EEA1: variants seen among roughly 807,000 people sequenced by gnomAD.
The protein encoded by EEA1 is early endosome antigen 1, 162kD.
In EEA1, 111 loss-of-function variants were observed where a neutral mutation model predicts 209.2. The ratio of observed to expected loss-of-function variants is 0.53; its 90% CI spans 0.45 to 0.62. EEA1 has a LOEUF of 0.62. Among genes scored for constraint, EEA1 ranks in the 20% least tolerant of loss-of-function variants. The probability of loss-of-function intolerance (pLI) is 0.00; values close to 1 mark genes in which losing one functional copy is unlikely to be tolerated. For synonymous variants in EEA1, 536 were observed against 540.6 expected (o/e 0.99, Z 0.12); for missense variants, 1,343 against 1,530.8 (o/e 0.88, Z 2.05).
rs530716877 is a variant in EEA1 at position 92,836,877 on chromosome 12, C to T, written c.916-4027G>A. ...GTGGCTCACATCTGTAATCCCAGCA[C>T]TTTGGGAGGCCGAGGCGGGCAGATC... On this transcript the variant is annotated intron_variant, in intron 10 of 28. Coordinates refer to ENST00000322349, the MANE Select transcript of EEA1 (RefSeq NM_003566.4). Among the ~76,000 whole-genome samples the T allele has an allele frequency of 4.0e-4, 61 of 152,208 alleles. 1 individual carries two copies. The East Asian group carries it at 0.011, about 28-fold the overall frequency.
chr12:92,886,381 G>T (rs1442861504), intron 2 of EEA1, among the ~76,000 whole-genome samples: 1 of 115,758 alleles, frequency 8.6e-6, no homozygotes, highest in Non-Finnish European at 1.8e-5. Context: ...AAAAGAAGAG[G>T]CGAGGAGAGG....
intron 23 of EEA1, 60 bp downstream of exon 23, chr12:92,781,890 A>G: frequency 6.8e-7 from 1 of 1,475,242 alleles, no homozygotes; most frequent in Non-Finnish European, 9.2e-7. Flanking sequence ...GTTTGACTGG[A>G]TGATCTCTAA....
At chr12:92,861,986 A>C (rs1404011657) in intron 3 of EEA1, among the ~76,000 whole-genome samples, 1 of 152,218 alleles carries the variant, frequency 6.6e-6, no homozygotes, top group Non-Finnish European at 1.5e-5. Context: ...CTAATGCATC[A>C]AGCTTCAAAT....
At chr12:92,892,638 G>A (rs1365408567) in intron 1 of EEA1, among the ~76,000 whole-genome samples, 2 of 151,476 alleles carry the variant, frequency 1.3e-5, no homozygotes, top group African/African-American at 4.9e-5. Context: ...ATAGTGGCAC[G>A]ATCTTGGCTC....
In EEA1 at chr12:92,865,407, A is replaced by AG. The variant is rs568730138; in HGVS notation, c.118-421dup. Among the ~76,000 whole-genome samples, 849 of 151,646 alleles carry AG rather than the reference A, an allele frequency of 5.6e-3. 10 individuals carry two copies. Among genetic ancestry groups the AG allele is most frequent in the African/African-American group, 0.019 (803 of 41,420 alleles). ...AAAAAAAAAAGAAGATGAACCACTG[A>AG]GGGGGAAAAAAAGTAATTCATAATC... On this transcript the variant is annotated intron_variant, in intron 2 of 28. Coordinates refer to ENST00000322349, the MANE Select transcript of EEA1 (RefSeq NM_003566.4).
intron 2 of EEA1, among the ~76,000 whole-genome samples, chr12:92,887,747 A>C (rs1879475323): frequency 6.6e-6 from 1 of 152,228 alleles, no homozygotes; most frequent in Non-Finnish European, 1.5e-5. Context: ...TTGACTTAAA[A>C]TTTTTGACTT....
At position 92,815,055 on chromosome 12, in the gene EEA1, AC is replaced by A. The variant is rs1875714043; in HGVS notation, c.1929+1144del. Among the ~76,000 whole-genome samples, 4 of 152,350 alleles carry A rather than the reference AC, an allele frequency of 2.6e-5. No individual in the cohort carries two copies. The South Asian group carries it at 8.3e-4, about 32-fold the overall frequency. On this transcript the variant is annotated intron_variant, in intron 15 of 28. Transcript: ENST00000322349. ...ATTCTCAAAAGAAAAGTAAGGCCAT[AC>A]ATCCTACTTTATGAACTAACACTAG...
At position 92,885,306 on chromosome 12, in the gene EEA1, G is replaced by A. The variant is rs1403176809; in HGVS notation, c.117+6323C>T. Among the ~76,000 whole-genome samples, 10 of 152,114 alleles carry A rather than the reference G, an allele frequency of 6.6e-5. No individual in the cohort carries two copies. The South Asian group carries it at 2.1e-3, about 32-fold the overall frequency. On this transcript the variant is annotated intron_variant, in intron 2 of 28. Transcript: ENST00000322349. ...CTTTCACCCTGAATATTTCTTTAAT[G>A]TCCTGGAGACCATGATATTTCCAAT...
At chr12:92,879,595 G>A (rs1194415568) in intron 2 of EEA1, among the ~76,000 whole-genome samples, 1 of 151,944 alleles carries the variant, frequency 6.6e-6, no homozygotes, top group Non-Finnish European at 1.5e-5. Context: ...AAAGCTCTCA[G>A]AAAACTAGAA....
At chr12:92,865,740 T>C (rs1878356256) in intron 2 of EEA1, among the ~76,000 whole-genome samples, 1 of 150,290 alleles carries the variant, frequency 6.7e-6, no homozygotes, top group Non-Finnish European at 1.5e-5. Flanking sequence ...TTTTATTTTA[T>C]TTTATTTTAT....
chr12:92,860,102 T>C (rs1878073007), intron 3 of EEA1, among the ~76,000 whole-genome samples: 2 of 152,224 alleles, frequency 1.3e-5, no homozygotes, highest in African/African-American at 4.8e-5. Flanking sequence ...CGCAAGGTTT[T>C]AATTTAGTAA....
rs1438372138 is a variant in EEA1, at chr12:92,917,241, G to A, written c.24+11802C>T. Among the ~76,000 whole-genome samples, 5 of 127,656 alleles carry A rather than the reference G, an allele frequency of 3.9e-5. No individual in the cohort carries two copies. The East Asian group carries it at 1.0e-3, about 26-fold the overall frequency. The allele number at this position is 127,656 out of a possible 152,430, so 83.7% of individuals were successfully genotyped here. ...AACGTTCAGATTCAGGAAATACAGA[G>A]AACGCCACAAAGATACTCCTCGAGA... is the stretch of plus-strand genomic sequence containing the variant. On this transcript the variant is annotated intron_variant, in intron 1 of 28. Coordinates refer to ENST00000322349, the MANE Select transcript of EEA1 (RefSeq NM_003566.4).
rs1874202269 is a variant in EEA1 at position 92,787,886 on chromosome 12, G to A, written c.3131C>T (p.Ala1044Val). 6.2e-7 allele frequency: 1 copy of A among 1,608,632 alleles called. No homozygotes were observed. The highest frequency in any genetic ancestry group is 1.1e-5 in the South Asian group (1 of 90,240). The change falls in exon 22 of 29, where the codon GCC becomes GTC. Residue 1044 changes from alanine to valine, a missense_variant. Coordinates refer to ENST00000322349, the MANE Select transcript of EEA1 (RefSeq NM_003566.4). ...CTATACCTTAAGATCTTGCCTGGTG[G>A]CTAGAAGTTCAGATTCCCTCCCATA... ...DFYGRESELL[A>V]TRQDLKSVEE...
rs368788955 is a variant in EEA1, at chr12:92,779,100, G to T, written c.3654+15C>A. ...CTCTACTGCAAAACACACTTCCCCC[G>T]ATTAACTCACTGACCAACTTAGCTT... On this transcript the variant is annotated intron_variant, in intron 25 of 28. Transcript: ENST00000322349. 1.9e-6 allele frequency: 3 copies of T among 1,589,852 alleles called. No homozygotes were observed. The highest frequency in any genetic ancestry group is 2.6e-6 in the Non-Finnish European group (3 of 1,172,440).
chr12:92,872,715 G>C (rs1047127090), intron 2 of EEA1, among the ~76,000 whole-genome samples: 17 of 152,212 alleles, frequency 1.1e-4, no homozygotes, highest in African/African-American at 4.1e-4. Context: ...CACTTTGGGA[G>C]GCCAAGGCAG....
intron 13 of EEA1, 45 bp downstream of exon 13, chr12:92,826,121 T>C: frequency 6.3e-7 from 1 of 1,595,422 alleles, no homozygotes; most frequent in Non-Finnish European, 8.6e-7. Flanking sequence ...TATGTAATGG[T>C]AATTAATTTG....
At chr12:92,795,407 C>A (rs1327796152) in intron 21 of EEA1, among the ~76,000 whole-genome samples, 1 of 152,186 alleles carries the variant, frequency 6.6e-6, no homozygotes, top group African/African-American at 2.4e-5. Flanking sequence ...AAGAACAGGT[C>A]CCATGTCTGT....
At chr12:92,874,007 C>T (rs954217139) in intron 2 of EEA1, among the ~76,000 whole-genome samples, 1 of 152,012 alleles carries the variant, frequency 6.6e-6, no homozygotes, top group African/African-American at 2.4e-5. Context: ...AACTACAGAA[C>T]AATTCTTCTT....
At chr12:92,837,768 C>T (rs1876993498) in intron 10 of EEA1, among the ~76,000 whole-genome samples, 1 of 152,174 alleles carries the variant, frequency 6.6e-6, no homozygotes, top group African/African-American at 2.4e-5. Context: ...ATTATCTTTT[C>T]CATCCATTAT....
Sources: gnomAD v4.1 joint callset for allele counts (sites outside exome capture counted in the v4.1 genomes callset) on GRCh38, gnomAD v4.1.1 for gene constraint, MANE v1.5 for transcripts, NCBI Gene and HGNC (gene_info 2026-07-23, HGNC 2026-07-21) for gene names.